The following GNG12 variants were observed in gnomAD, a reference collection of about 807,000 sequenced individuals.
GNG12 encodes G protein subunit gamma 12.
For missense variants in GNG12, 69 were observed against 83.8 expected (o/e 0.82, Z 0.69); for synonymous variants, 28 against 29.7 (o/e 0.94, Z 0.19).
chr1:67,705,404 A>G lies in GNG12; in HGVS notation c.*47T>C. 1 of 1,603,842 alleles carries G rather than the reference A, an allele frequency of 6.2e-7. No homozygotes were observed. Among genetic ancestry groups the G allele is most frequent in the South Asian group, 1.1e-5 (1 of 89,072 alleles). On this transcript the variant is annotated 3_prime_UTR_variant, in exon 4 of 4. Transcript: ENST00000370982. ...GGTAAATCTCTTCAAGGAGCTGCTCATAATTTGCGTTGTTGGGAAGAGGCG... is the reference window on the plus strand; with the variant it reads ...GGTAAATCTCTTCAAGGAGCTGCTCGTAATTTGCGTTGTTGGGAAGAGGCG...
chr1:67,824,944 T>C (rs1008585779), intron 1 of GNG12, among the ~76,000 whole-genome samples: 6 of 152,058 alleles, frequency 3.9e-5, no homozygotes, highest in African/African-American at 1.4e-4. Context: ...CAGAGAACTG[T>C]AGGTGAATGG....
chr1:67,777,752 A>ATGGTAG (rs1300358056), intron 1 of GNG12, among the ~76,000 whole-genome samples: 1 of 152,122 alleles, frequency 6.6e-6, no homozygotes, highest in East Asian at 1.9e-4. Flanking sequence ...GTAACTATAA[A>ATGGTAG]TGGTAGTGTT....
intron 2 of GNG12, among the ~76,000 whole-genome samples, chr1:67,768,040 G>T (rs1240966039): frequency 6.6e-6 from 1 of 152,216 alleles, no homozygotes; most frequent in Non-Finnish European, 1.5e-5. Context: ...GCCTACCAAT[G>T]AGCTGGGACT....
chr1:67,758,402 A>G (rs1646582611), intron 2 of GNG12, among the ~76,000 whole-genome samples: 1 of 152,192 alleles, frequency 6.6e-6, no homozygotes, highest in African/African-American at 2.4e-5. Context: ...CAGACCTAGT[A>G]TTTCGCCATG....
Position 67,785,783 on chromosome 1 carries a change from T to A in GNG12, c.-76-8276A>T, listed in dbSNP as rs182775386. Among the ~76,000 whole-genome samples the A allele has an allele frequency of 3.6e-3, 541 of 152,346 alleles. 1 individual carries two copies. In the Middle Eastern group the frequency reaches 0.048, roughly 13 times the overall value. On this transcript the variant is annotated intron_variant, in intron 1 of 3. Coordinates refer to ENST00000370982, the MANE Select transcript of GNG12 (RefSeq NM_018841.6). ...TGCATTCTTAGGCTGGAAGTCTGCA[T>A]TAGCCAAACGATACTAAACTACATT... is the stretch of plus-strand genomic sequence containing the variant.
At chr1:67,732,742 C>A (rs1263817160) in intron 2 of GNG12, among the ~76,000 whole-genome samples, 1 of 152,196 alleles carries the variant, frequency 6.6e-6, no homozygotes, top group South Asian at 2.1e-4. Flanking sequence ...TGCCCAAGGT[C>A]CCCCAGGACT....
chr1:67,754,198 C>T (rs995771529), intron 2 of GNG12, among the ~76,000 whole-genome samples: 1 of 152,186 alleles, frequency 6.6e-6, no homozygotes, highest in Non-Finnish European at 1.5e-5. Flanking sequence ...TGGCCTGGCC[C>T]ACAGGTGCTG....
At chr1:67,808,004 T>C (rs182453697) in intron 1 of GNG12, among the ~76,000 whole-genome samples, 1 of 152,088 alleles carries the variant, frequency 6.6e-6, no homozygotes, top group Admixed American at 6.5e-5. Flanking sequence ...ATAAAGACAT[T>C]ACGAGAAAAC....
intron 1 of GNG12, among the ~76,000 whole-genome samples, chr1:67,780,396 C>A (rs1646730911): frequency 6.6e-6 from 1 of 152,170 alleles, no homozygotes; most frequent in Admixed American, 6.5e-5. Context: ...ATTGCCCTTG[C>A]ACTTACTTTA....
intron 1 of GNG12, among the ~76,000 whole-genome samples, chr1:67,819,167 T>A (rs530075121): frequency 6.6e-6 from 1 of 151,942 alleles, no homozygotes; most frequent in South Asian, 2.1e-4. Flanking sequence ...CAGGCTTTAG[T>A]TGGGGGCAGG....
At chr1:67,823,596 A>T (rs1293814339) in intron 1 of GNG12, among the ~76,000 whole-genome samples, 2 of 152,240 alleles carry the variant, frequency 1.3e-5, no homozygotes, top group African/African-American at 4.8e-5. Context: ...CTCACTCATA[A>T]TCAAAAATAT....
At chr1:67,809,438 C>A (rs1366774290) in intron 1 of GNG12, among the ~76,000 whole-genome samples, 1 of 152,186 alleles carries the variant, frequency 6.6e-6, no homozygotes, top group Non-Finnish European at 1.5e-5. Context: ...ATAAGCTACA[C>A]TTCATTAAAA....
At chr1:67,769,057 C>T (rs564154535) in intron 2 of GNG12, among the ~76,000 whole-genome samples, 17 of 152,218 alleles carry the variant, frequency 1.1e-4, no homozygotes, top group African/African-American at 3.9e-4. Context: ...TAAATCAGGT[C>T]CACATCTGGA....
chr1:67,729,707 A>T (rs1225844191), intron 2 of GNG12, among the ~76,000 whole-genome samples: 3 of 152,242 alleles, frequency 2.0e-5, no homozygotes, highest in Non-Finnish European at 4.4e-5. Flanking sequence ...GCTCTGTTGG[A>T]GGTTGTGTGG....
At chr1:67,777,804 T>C (rs1348212929) in intron 1 of GNG12, among the ~76,000 whole-genome samples, 3 of 152,174 alleles carry the variant, frequency 2.0e-5, no homozygotes, top group Admixed American at 6.6e-5. Flanking sequence ...TCTCTAGCCG[T>C]TGCCCTTGCC....
At chr1:67,756,334 T>C (rs1341448434) in intron 2 of GNG12, among the ~76,000 whole-genome samples, 1 of 152,178 alleles carries the variant, frequency 6.6e-6, no homozygotes, top group Non-Finnish European at 1.5e-5. Context: ...TAATTCTGAC[T>C]GTAATATGAG....
At chr1:67,707,476 G>A (rs1041240638) in intron 3 of GNG12, 118 bp downstream of exon 3, 3 of 713,410 alleles carry the variant, frequency 4.2e-6, no homozygotes, top group Non-Finnish European at 7.4e-6. Context: ...GCCTGTTCTG[G>A]AAAAATCCTG....
In GNG12 at chr1:67,762,294, A is replaced by T. The variant is rs143864077; in HGVS notation, c.-27+15164T>A. On this transcript the variant is annotated intron_variant, in intron 2 of 3. Coordinates refer to ENST00000370982, the MANE Select transcript of GNG12 (RefSeq NM_018841.6). ...CCCCATGGACTTGAAACATCTCTAA[A>T]AGATGAAGTGGGGTGGCTTAACCAT... is the stretch of plus-strand genomic sequence containing the variant. 4.1e-3 allele frequency among the ~76,000 whole-genome samples: 625 copies of T among 152,222 alleles called. 3 individuals are homozygous for T. The highest frequency in any genetic ancestry group is 7.2e-3 in the Non-Finnish European group (487 of 68,004).
intron 2 of GNG12, among the ~76,000 whole-genome samples, chr1:67,753,166 G>C (rs1336342196): frequency 6.6e-6 from 1 of 152,144 alleles, no homozygotes; most frequent in Non-Finnish European, 1.5e-5. Context: ...TAATTATGTT[G>C]AAAGAATTTT....
Sources: allele counts gnomAD v4.1 joint callset (sites outside exome capture counted in the v4.1 genomes callset), GRCh38; gene constraint gnomAD v4.1.1; transcripts MANE v1.5; gene names NCBI Gene and HGNC (gene_info 2026-07-23, HGNC 2026-07-21).